The following CCDC85A variants were observed in gnomAD, a reference collection of about 807,000 sequenced individuals.
CCDC85A encodes coiled-coil domain containing 85A, also known as coiled-coil domain-containing protein 85A.
CCDC85A carries 38 observed loss-of-function variants against 50.2 expected under a neutral mutation model. That is an observed-to-expected ratio of 0.76 (90% confidence interval 0.58 to 0.99). The LOEUF is 0.99. Ranked by LOEUF, CCDC85A falls within the 50% of genes least tolerant of loss-of-function variation. The pLI, the probability that CCDC85A is intolerant of heterozygous loss-of-function variation, is 0.00. For synonymous variants in CCDC85A, 366 were observed against 301.4 expected (o/e 1.21, Z -2.22); for missense variants, 820 against 742.0 (o/e 1.11, Z -1.22).
intron 3 of CCDC85A, among the ~76,000 whole-genome samples, chr2:56,350,941 T>C (rs1347461425): frequency 6.7e-6 from 1 of 148,430 alleles, no homozygotes; most frequent in Non-Finnish European, 1.5e-5. Flanking sequence ...CATGCTGGTG[T>C]GCTGCACCCA....
chr2:56,261,328 T>G (rs1302577667), intron 2 of CCDC85A, among the ~76,000 whole-genome samples: 1 of 152,210 alleles, frequency 6.6e-6, no homozygotes, highest in East Asian at 1.9e-4. Flanking sequence ...TTATTGGTGC[T>G]GTGTGCACAT....
chr2:56,219,242 G>A (rs1173330389), intron 2 of CCDC85A, among the ~76,000 whole-genome samples: 1 of 147,870 alleles, frequency 6.8e-6, no homozygotes, highest in African/African-American at 2.5e-5. Context: ...TACGAGATGC[G>A]AAGATGAATA....
At chr2:56,270,404 C>T (rs1490681345) in intron 2 of CCDC85A, among the ~76,000 whole-genome samples, 3 of 152,074 alleles carry the variant, frequency 2.0e-5, no homozygotes, top group Admixed American at 6.6e-5. Context: ...GCCAGATTTT[C>T]AAAGAAAATG....
intron 3 of CCDC85A, among the ~76,000 whole-genome samples, chr2:56,364,596 C>A (rs917516412): frequency 6.6e-6 from 1 of 152,142 alleles, no homozygotes. Context: ...TTAATCACTT[C>A]TTTGATCTTG....
intron 3 of CCDC85A, among the ~76,000 whole-genome samples, chr2:56,350,751 C>T (rs770500940): frequency 9.3e-5 from 13 of 139,966 alleles, no homozygotes; most frequent in Non-Finnish European, 1.9e-4. Context: ...AGAGACCTTT[C>T]CTTTTTTTTT....
At chr2:56,185,054 G>A (rs1210272061) in intron 1 of CCDC85A, 154 bp downstream of exon 1, 4 of 966,958 alleles carry the variant, frequency 4.1e-6, no homozygotes, top group Non-Finnish European at 5.8e-6. Flanking sequence ...CAGCCCCTGT[G>A]TAACTTTTCC....
At chr2:56,309,529 G>A (rs565574566) in intron 2 of CCDC85A, among the ~76,000 whole-genome samples, 1 of 152,314 alleles carries the variant, frequency 6.6e-6, no homozygotes, top group African/African-American at 2.4e-5. Context: ...ACAAGATTGT[G>A]TATAGTGTTT....
chr2:56,334,841 C>T lies in CCDC85A; in HGVS notation c.1241-8038C>T, dbSNP rs577953004. ...GGGCAGAGACACAGAGCTAAGAGAG[C>T]TCTGGGCCAAAGACAAACTGAAAGG... On this transcript the variant is annotated intron_variant, in intron 2 of 5. Coordinates refer to ENST00000407595, the MANE Select transcript of CCDC85A (RefSeq NM_001080433.2). 4.0e-3 allele frequency among the ~76,000 whole-genome samples: 608 copies of T among 152,226 alleles called. 3 individuals are homozygous for T. The highest frequency in any genetic ancestry group is 6.6e-3 in the Non-Finnish European group (447 of 68,016).
At chr2:56,198,270 T>A in intron 2 of CCDC85A, among the ~76,000 whole-genome samples, 1 of 152,244 alleles carries the variant, frequency 6.6e-6, no homozygotes, top group East Asian at 1.9e-4. Flanking sequence ...AGTCAGCACA[T>A]CACTTGTGAA....
chr2:56,262,292 T>C (rs1171004582), intron 2 of CCDC85A, among the ~76,000 whole-genome samples: 1 of 146,248 alleles, frequency 6.8e-6, no homozygotes, highest in Admixed American at 6.7e-5. Context: ...CTCATTGTTA[T>C]TTTAGTATGA....
At chr2:56,360,054 C>A (rs1675444447) in intron 3 of CCDC85A, among the ~76,000 whole-genome samples, 1 of 152,068 alleles carries the variant, frequency 6.6e-6, no homozygotes, top group Admixed American at 6.5e-5. Context: ...TCAGAAGAGC[C>A]AAATGGTGGA....
At chr2:56,263,979 G>A (rs929087798) in intron 2 of CCDC85A, among the ~76,000 whole-genome samples, 13 of 152,068 alleles carry the variant, frequency 8.5e-5, no homozygotes, top group Non-Finnish European at 1.5e-4. Context: ...CTTAAAATAC[G>A]CTAACACTAA....
intron 2 of CCDC85A, among the ~76,000 whole-genome samples, chr2:56,279,761 A>C (rs1175672203): frequency 2.0e-5 from 3 of 152,222 alleles, no homozygotes; most frequent in Non-Finnish European, 2.9e-5. Flanking sequence ...ATAAAATGAA[A>C]TAAAAAGAAT....
intron 2 of CCDC85A, among the ~76,000 whole-genome samples, chr2:56,246,792 C>T (rs1669530755): frequency 1.3e-5 from 2 of 152,044 alleles, no homozygotes; most frequent in African/African-American, 4.8e-5. Flanking sequence ...TTGATCTTTT[C>T]TTTAAAATAA....
intron 2 of CCDC85A, among the ~76,000 whole-genome samples, chr2:56,279,637 C>T (rs1227317956): frequency 8.5e-5 from 13 of 152,132 alleles, no homozygotes; most frequent in Non-Finnish European, 1.6e-4. Flanking sequence ...ATGAGATCAA[C>T]TTTTTTAGAC....
chr2:56,185,100 A>T (rs1263932756), intron 1 of CCDC85A, among the ~76,000 whole-genome samples, 200 bp downstream of exon 1: 5 of 147,086 alleles, frequency 3.4e-5, no homozygotes, highest in African/African-American at 1.2e-4. Context: ...CCTCTCCCCA[A>T]CACGGGGCGC....
chr2:56,309,426 T>A (rs7589413), intron 2 of CCDC85A, among the ~76,000 whole-genome samples: 2,791 of 152,268 alleles, frequency 0.018, 96 homozygotes, highest in African/African-American at 0.063. Flanking sequence ...ACAGACTAGG[T>A]TTCTAAAATA....
intron 2 of CCDC85A, among the ~76,000 whole-genome samples, chr2:56,273,861 A>G (rs894953775): frequency 2.0e-5 from 3 of 152,148 alleles, no homozygotes; most frequent in African/African-American, 7.2e-5. Flanking sequence ...TATGAAGAAA[A>G]ATCGTTTGTT....
At chr2:56,355,892 T>C (rs781254856) in intron 3 of CCDC85A, among the ~76,000 whole-genome samples, 1 of 152,144 alleles carries the variant, frequency 6.6e-6, no homozygotes, top group Non-Finnish European at 1.5e-5. Context: ...AGATAACAAA[T>C]AACCAATAAA....
Sources: gnomAD v4.1 joint callset for allele counts (sites outside exome capture counted in the v4.1 genomes callset) on GRCh38, gnomAD v4.1.1 for gene constraint, MANE v1.5 for transcripts, NCBI Gene and HGNC (gene_info 2026-07-23, HGNC 2026-07-21) for gene names.